ARAP2: variants seen among roughly 807,000 people sequenced by gnomAD.
ARAP2 encodes ArfGAP with RhoGAP domain, ankyrin repeat and PH domain 2.
In ARAP2, 148 loss-of-function variants were observed where a neutral mutation model predicts 194.5. The observed-to-expected ratio is 0.76, with a 90% CI of 0.67 to 0.87. ARAP2 has a LOEUF of 0.87. Among genes scored for constraint, ARAP2 ranks in the 40% least tolerant of loss-of-function variants. The probability of loss-of-function intolerance (pLI) is 0.00; values close to 1 mark genes in which losing one functional copy is unlikely to be tolerated. For synonymous variants in ARAP2, 695 were observed against 683.5 expected, an observed-to-expected ratio of 1.02 and a Z score of -0.26; for missense variants, 2,128 against 1,989.7, an observed-to-expected ratio of 1.07 and a Z score of -1.32.
At chr4:36,037,069 G>A (rs755415087) in intron 5 of ARAP2, among the ~76,000 whole-genome samples, 3 of 152,038 alleles carry the variant, frequency 2.0e-5, no homozygotes, top group Non-Finnish European at 4.4e-5. Context: ...ATGGTTTCTA[G>A]TCTTTTCACC....
chr4:36,062,679 A>T (rs1724658905), downstream of ARAP2, among the ~76,000 whole-genome samples: 1 of 151,686 alleles, frequency 6.6e-6, no homozygotes, highest in Admixed American at 6.6e-5. Flanking sequence ...ACAGTTGTTG[A>T]AAAAAGTCAA....
intron 8 of ARAP2, among the ~76,000 whole-genome samples, chr4:36,183,962 T>C (rs1578198938): frequency 6.6e-6 from 1 of 152,204 alleles, no homozygotes; most frequent in Non-Finnish European, 1.5e-5. Flanking sequence ...AATTCATGTC[T>C]GTTAAGACGC....
Position 36,119,649 on chromosome 4 carries a change from C to T in ARAP2, c.3963+1G>A, listed in dbSNP as rs757283924. Reference sequence around the variant, plus strand: ...TTAGAGATCTAACTATTACTACTCACTTGGGTGTCTTTCCACTTGGTAATA... The same window carrying T: ...TTAGAGATCTAACTATTACTACTCATTTGGGTGTCTTTCCACTTGGTAATA... On this transcript the variant is annotated splice_donor_variant, in intron 24 of 32. Coordinates refer to ENST00000303965, the MANE Select transcript of ARAP2 (RefSeq NM_015230.4). LOFTEE classifies it high-confidence loss of function. The T allele has an allele frequency of 1.9e-6, 3 of 1,592,638 alleles. No homozygotes were observed. The highest frequency in any genetic ancestry group is 2.6e-6 in the Non-Finnish European group (3 of 1,162,626).
At position 36,067,878 on chromosome 4, in the gene ARAP2, A is replaced by G. The variant is rs1224874520; in HGVS notation, c.*29T>C. 6.5e-7 allele frequency: 1 copy of G among 1,532,948 alleles called. No homozygotes were observed. The highest frequency in any genetic ancestry group is 2.3e-5 in the East Asian group (1 of 43,990). 95.0% of individuals were successfully genotyped at this position (1,532,948 alleles called of 1,614,324 possible). A position where few individuals can be genotyped will look rare whatever the true frequency, so the allele number is the denominator to read the frequency against. Reference sequence around the variant, plus strand: ...AAAGATTGCATACAATATTAAAAAAATAATCTGGGGAGCAATTCATTTTAT... The same window carrying G: ...AAAGATTGCATACAATATTAAAAAAGTAATCTGGGGAGCAATTCATTTTAT... On this transcript the variant is annotated 3_prime_UTR_variant, in exon 33 of 33. Coordinates refer to ENST00000303965, the MANE Select transcript of ARAP2 (RefSeq NM_015230.4).
At chr4:36,075,152 G>A (rs1727975751) in intron 31 of ARAP2, among the ~76,000 whole-genome samples, 1 of 152,020 alleles carries the variant, frequency 6.6e-6, no homozygotes, top group Non-Finnish European at 1.5e-5. Flanking sequence ...CTGACTGAGA[G>A]GGAATTAGGC....
At chr4:36,028,585 A>C (rs1053371747) in intron 5 of ARAP2, among the ~76,000 whole-genome samples, 1 of 149,098 alleles carries the variant, frequency 6.7e-6, no homozygotes, top group Non-Finnish European at 1.5e-5. Flanking sequence ...TTTCTTTACT[A>C]AATTAGCTAA....
At chr4:36,039,365 T>C (rs571954986) in intron 5 of ARAP2, among the ~76,000 whole-genome samples, 2 of 152,338 alleles carry the variant, frequency 1.3e-5, no homozygotes, top group East Asian at 3.9e-4. Context: ...TTAAAAAATA[T>C]GCTTCCTATA....
chr4:36,079,699 T>C (rs1259565933), intron 31 of ARAP2, among the ~76,000 whole-genome samples: 1 of 152,142 alleles, frequency 6.6e-6, no homozygotes, highest in Non-Finnish European at 1.5e-5. Flanking sequence ...CAACCAAACA[T>C]TTGTTTTATA....
chr4:36,217,006 G>A (rs77881187), intron 2 of ARAP2, among the ~76,000 whole-genome samples: 5,650 of 152,204 alleles, frequency 0.037, 120 homozygotes, highest in South Asian at 0.062. Flanking sequence ...GTGCAGGACT[G>A]CATATTCTAT....
At chr4:36,058,892 T>A (rs1489805161) in intron 1 of ARAP2, among the ~76,000 whole-genome samples, 1 of 152,196 alleles carries the variant, frequency 6.6e-6, no homozygotes, top group African/African-American at 2.4e-5. Context: ...AAGATGATGA[T>A]GCCACTTCAT....
At chr4:36,144,314 C>T (rs1239847837) in intron 19 of ARAP2, among the ~76,000 whole-genome samples, 1 of 151,770 alleles carries the variant, frequency 6.6e-6, no homozygotes, top group Admixed American at 6.6e-5. Flanking sequence ...TTTTTATTTT[C>T]CTGCCATGGA....
At chr4:36,116,396 C>T (rs1021748611) in intron 25 of ARAP2, among the ~76,000 whole-genome samples, 2 of 151,804 alleles carry the variant, frequency 1.3e-5, no homozygotes, top group Non-Finnish European at 2.9e-5. Context: ...CAAATAGCGA[C>T]CTGAAATATC....
intron 25 of ARAP2, among the ~76,000 whole-genome samples, chr4:36,115,229 G>A (rs186854067): frequency 1.8e-4 from 27 of 151,954 alleles, no homozygotes; most frequent in African/African-American, 5.8e-4. Context: ...GAAATTTAGT[G>A]CTTTTTTGGA....
intron 3 of ARAP2, chr4:36,046,855 T>C (rs1406628589): frequency 1.8e-4 from 27 of 152,146 alleles, no homozygotes; most frequent in Admixed American, 1.8e-3. Context: ...CCCACCTCAT[T>C]AGGACAGGAA....
chr4:36,096,990 A>G (rs993777214), intron 27 of ARAP2, among the ~76,000 whole-genome samples: 2 of 152,126 alleles, frequency 1.3e-5, no homozygotes, highest in Non-Finnish European at 2.9e-5. Flanking sequence ...TTAAGTCAGT[A>G]AAATCCATTC....
intron 2 of ARAP2, among the ~76,000 whole-genome samples, chr4:36,218,701 G>C (rs1486955736): frequency 6.6e-6 from 1 of 152,020 alleles, no homozygotes; most frequent in Non-Finnish European, 1.5e-5. Context: ...AACTCTAAAG[G>C]AAAGTGCACA....
intron 15 of ARAP2, among the ~76,000 whole-genome samples, chr4:36,152,307 C>G (rs534648507): frequency 1.3e-4 from 20 of 152,120 alleles, no homozygotes; most frequent in South Asian, 1.0e-3. Flanking sequence ...TCTTGAGTCA[C>G]AGTGTATGTC....
chr4:36,017,564 TAAAAAAAAA>T (rs71199694), intron 6 of ARAP2, among the ~76,000 whole-genome samples: 1 of 42,578 alleles, frequency 2.3e-5, no homozygotes, highest in African/African-American at 1.2e-4. Flanking sequence ...AAGAAAGTGG[TAAAAAAAAA>T]AAAAAAAAAA....
chr4:36,154,880 T>G (rs1253790379), intron 15 of ARAP2, among the ~76,000 whole-genome samples: 1 of 152,210 alleles, frequency 6.6e-6, no homozygotes, highest in Non-Finnish European at 1.5e-5. Context: ...ACTTTCCAAA[T>G]AATTCATTTT....
Sources: gnomAD v4.1 joint callset for allele counts (sites outside exome capture counted in the v4.1 genomes callset) on GRCh38, gnomAD v4.1.1 for gene constraint, MANE v1.5 for transcripts, NCBI Gene and HGNC (gene_info 2026-07-23, HGNC 2026-07-21) for gene names.